The following MARCHF1 variants were observed in gnomAD, a reference collection of about 807,000 sequenced individuals.
The protein encoded by MARCHF1 is E3 ubiquitin-protein ligase MARCHF1.
MARCHF1 carries 40 observed loss-of-function variants against 54.2 expected under a neutral mutation model. The observed-to-expected ratio is 0.74, with a 90% CI of 0.57 to 0.96. The LOEUF (loss-of-function observed/expected upper bound fraction) is 0.96. MARCHF1 is among the 40% of genes least tolerant of loss of function. The pLI, the probability that MARCHF1 is intolerant of heterozygous loss-of-function variation, is 0.00. For synonymous variants in MARCHF1, 236 were observed against 236.3 expected, an observed-to-expected ratio of 1.00 and a Z score of 0.01; for missense variants, 586 against 656.5, an observed-to-expected ratio of 0.89 and a Z score of 1.17.
intron 3 of MARCHF1, among the ~76,000 whole-genome samples, chr4:163,908,167 T>A (rs1391334179): frequency 6.6e-6 from 1 of 152,134 alleles, no homozygotes; most frequent in African/African-American, 2.4e-5. Flanking sequence ...CTATATTCTA[T>A]CCACACAAAA....
intron 4 of MARCHF1, among the ~76,000 whole-genome samples, chr4:163,727,365 T>A (rs1236702670): frequency 6.6e-6 from 1 of 151,736 alleles, no homozygotes; most frequent in East Asian, 1.9e-4. Flanking sequence ...TGGAGTGCAG[T>A]GGCATGATTT....
intron 3 of MARCHF1, among the ~76,000 whole-genome samples, chr4:163,863,942 A>G (rs1310713254): frequency 6.6e-6 from 1 of 152,078 alleles, no homozygotes; most frequent in East Asian, 1.9e-4. Flanking sequence ...AAGCTGACAC[A>G]ATTTGAGCAA....
intron 1 of MARCHF1, among the ~76,000 whole-genome samples, chr4:164,352,040 G>A (rs1392783448): frequency 1.5e-5 from 2 of 131,104 alleles, no homozygotes; most frequent in East Asian, 2.2e-4. Context: ...ATGAAATGAA[G>A]CGAGAAGGGA....
At chr4:163,961,375 G>A (rs551359758) in intron 3 of MARCHF1, among the ~76,000 whole-genome samples, 7 of 152,010 alleles carry the variant, frequency 4.6e-5, no homozygotes, top group African/African-American at 1.7e-4. Context: ...TTTAAAATGA[G>A]TTCTAATGCT....
intron 1 of MARCHF1, among the ~76,000 whole-genome samples, chr4:164,237,395 C>T (rs1210164391): frequency 6.6e-6 from 1 of 152,018 alleles, no homozygotes; most frequent in East Asian, 1.9e-4. Flanking sequence ...CTTGGCATTG[C>T]TCTATGCTGC....
chr4:163,841,030 T>C (rs1277238784), intron 4 of MARCHF1, among the ~76,000 whole-genome samples: 2 of 152,120 alleles, frequency 1.3e-5, no homozygotes, highest in East Asian at 1.9e-4. Context: ...CAACATATTA[T>C]AGTAATTCAA....
At chr4:164,081,262 G>A (rs1755096152) in intron 2 of MARCHF1, among the ~76,000 whole-genome samples, 1 of 125,612 alleles carries the variant, frequency 8.0e-6, no homozygotes, top group African/African-American at 2.9e-5. Flanking sequence ...ATATTAAATT[G>A]CCAAATTCAG....
At chr4:164,312,310 TTTC>T (rs1322034524) in intron 1 of MARCHF1, among the ~76,000 whole-genome samples, 1 of 130,560 alleles carries the variant, frequency 7.7e-6, no homozygotes, top group Non-Finnish European at 1.6e-5. Context: ...TGTGAATTAT[TTTC>T]TTTTTCTTTT....
Position 164,199,685 on chromosome 4 carries a change from G to C in MARCHF1, c.-322-88023C>G, listed in dbSNP as rs62347976. Among the ~76,000 whole-genome samples the C allele has an allele frequency of 8.9e-3, 344 of 38,664 alleles. 1 individual carries two copies. Among genetic ancestry groups the C allele is most frequent in the African/African-American group, 0.021 (216 of 10,284 alleles). The allele number at this position is 38,664 out of a possible 152,430, so 25.4% of individuals were successfully genotyped here. ...ACACACACACACACACACACACAGA[G>C]AGAGAGAGAGAGAGAGAGAGAGAGA... On this transcript the variant is annotated intron_variant, in intron 1 of 9. Coordinates refer to ENST00000514618, the MANE Select transcript of MARCHF1 (RefSeq NM_001394959.1).
chr4:163,535,698 A>G (rs1738504769), intron 9 of MARCHF1, among the ~76,000 whole-genome samples: 1 of 152,122 alleles, frequency 6.6e-6, no homozygotes, highest in African/African-American at 2.4e-5. Flanking sequence ...TTAGTAATAA[A>G]AAGAGCTAAA....
At chr4:163,883,247 A>G (rs1281554156) in intron 3 of MARCHF1, among the ~76,000 whole-genome samples, 1 of 54,892 alleles carries the variant, frequency 1.8e-5, no homozygotes, top group African/African-American at 4.9e-5. Context: ...ATGTGTGTGT[A>G]TATATATATA....
chr4:164,200,932 G>A (rs912584990), intron 1 of MARCHF1, among the ~76,000 whole-genome samples: 7 of 152,070 alleles, frequency 4.6e-5, no homozygotes, highest in African/African-American at 1.7e-4. Context: ...AGAATGAAGA[G>A]CCAGGACCAA....
intron 3 of MARCHF1, among the ~76,000 whole-genome samples, chr4:163,959,158 C>A (rs1379546214): frequency 6.6e-6 from 1 of 151,804 alleles, no homozygotes; most frequent in South Asian, 2.1e-4. Flanking sequence ...TACACAAATA[C>A]CTGACTCAGA....
intron 1 of MARCHF1, among the ~76,000 whole-genome samples, chr4:164,299,641 T>C (rs1013307257): frequency 1.3e-5 from 2 of 152,182 alleles, no homozygotes; most frequent in African/African-American, 4.8e-5. Flanking sequence ...TTATTCCATT[T>C]GGTGAAACTG....
chr4:164,148,234 A>T (rs1244693002), intron 1 of MARCHF1, among the ~76,000 whole-genome samples: 1 of 152,078 alleles, frequency 6.6e-6, no homozygotes, highest in Admixed American at 6.6e-5. Flanking sequence ...TACAACTACT[A>T]GTAGGGGATG....
chr4:163,731,914 A>C (rs1198464091), intron 4 of MARCHF1, among the ~76,000 whole-genome samples: 1 of 152,160 alleles, frequency 6.6e-6, no homozygotes, highest in Non-Finnish European at 1.5e-5. Context: ...GCGAAACCTA[A>C]AAGCATTAAA....
chr4:163,766,217 A>G (rs532418492), intron 4 of MARCHF1, among the ~76,000 whole-genome samples: 3 of 152,162 alleles, frequency 2.0e-5, no homozygotes, highest in East Asian at 3.9e-4. Context: ...TTTCTTTTAA[A>G]ATTTCTATTC....
At chr4:163,744,608 A>G (rs148349164) in intron 4 of MARCHF1, among the ~76,000 whole-genome samples, 84 of 152,334 alleles carry the variant, frequency 5.5e-4, no homozygotes, top group Non-Finnish European at 9.7e-4. Flanking sequence ...CCTGTCAAAT[A>G]AGGAATATTT....
In MARCHF1 at chr4:164,192,368, T is replaced by C. The variant is rs1037026408; in HGVS notation, c.-322-80706A>G. On this transcript the variant is annotated intron_variant, in intron 1 of 9. Transcript: ENST00000514618. ...GAATTTAGTTTTTAAAGCCACAAAC[T>C]GATTAATTATGCTCAGCTTCAAAGT... Among the ~76,000 whole-genome samples the C allele has an allele frequency of 6.6e-5, 10 of 152,194 alleles. 1 individual carries two copies. Among genetic ancestry groups the C allele is most frequent in the African/African-American group, 1.7e-4 (7 of 41,450 alleles).
Sources: allele counts gnomAD v4.1 joint callset (sites outside exome capture counted in the v4.1 genomes callset), GRCh38; gene constraint gnomAD v4.1.1; transcripts MANE v1.5; gene names NCBI Gene and HGNC (gene_info 2026-07-23, HGNC 2026-07-21).